The following MACROD2 variants were observed in gnomAD, a reference collection of about 807,000 sequenced individuals.
MACROD2 encodes the protein mono-ADP ribosylhydrolase 2, also known as ADP-ribose glycohydrolase MACROD2.
In MACROD2, 36 loss-of-function variants were observed where a neutral mutation model predicts 70.4. That is an observed-to-expected ratio of 0.51 (90% CI 0.39 to 0.68). The LOEUF (loss-of-function observed/expected upper bound fraction) is 0.68. Ranked by LOEUF, MACROD2 falls within the 30% of genes least tolerant of loss-of-function variation. The probability of loss-of-function intolerance (pLI) is 0.00; values close to 1 mark genes in which losing one functional copy is unlikely to be tolerated. For synonymous variants in MACROD2, 172 were observed against 178.8 expected (o/e 0.96, Z 0.30); for missense variants, 496 against 538.4 (o/e 0.92, Z 0.78).
At chr20:15,756,380 A>C (rs1251658414) in intron 8 of MACROD2, among the ~76,000 whole-genome samples, 1 of 151,788 alleles carries the variant, frequency 6.6e-6, no homozygotes, top group Non-Finnish European at 1.5e-5. Context: ...TTAAAACTGC[A>C]CTAAGTGGAG....
rs754866739 is a variant in MACROD2 at position 14,326,180 on chromosome 20, G to C, written c.272-167299G>C. ...GATCCAAATGCCGGGCTATGGCCCAGTTTAAGCCAGCTGAGTCTCAAAGCA... is the reference window on the plus strand; with the variant it reads ...GATCCAAATGCCGGGCTATGGCCCACTTTAAGCCAGCTGAGTCTCAAAGCA... On this transcript the variant is annotated intron_variant, in intron 3 of 17. Transcript: ENST00000684519. The surrounding 1 kb of genome is among the most constrained non-coding windows in gnomAD (Gnocchi z 5.5). The C allele has an allele frequency of 1.9e-6, 3 of 1,613,812 alleles. No individual in the cohort carries two copies. Among genetic ancestry groups the C allele is most frequent in the African/African-American group, 2.7e-5 (2 of 74,908 alleles).
At position 15,298,673 on chromosome 20, in the gene MACROD2, G is replaced by T. The variant is rs1440231729; in HGVS notation, c.540+68612G>T. Among the ~76,000 whole-genome samples, 3 of 152,118 alleles carry T rather than the reference G, an allele frequency of 2.0e-5. No individual in the cohort carries two copies. The East Asian group carries it at 5.8e-4, about 29-fold the overall frequency. The stretch of plus-strand genomic sequence containing the variant: ...TTTTTAAAAATTTGCATTTTAGGTG[G>T]GGGTCACACCAATGGTTGTTGGTTA... On this transcript the variant is annotated intron_variant, in intron 6 of 17. Transcript: ENST00000684519.
intron 5 of MACROD2, among the ~76,000 whole-genome samples, chr20:15,131,011 G>A (rs1448828924): frequency 6.6e-6 from 1 of 152,010 alleles, no homozygotes; most frequent in Non-Finnish European, 1.5e-5. Flanking sequence ...CCCTGCCAAA[G>A]CCCAAACACT....
At chr20:14,986,316 TAATGAA>T (rs2074848466) in intron 5 of MACROD2, among the ~76,000 whole-genome samples, 1 of 152,160 alleles carries the variant, frequency 6.6e-6, no homozygotes, top group Non-Finnish European at 1.5e-5. Flanking sequence ...CCATTAAAGT[TAATGAA>T]TAACCAAGTG....
intron 6 of MACROD2, among the ~76,000 whole-genome samples, chr20:15,377,322 A>T (rs1198859194): frequency 6.6e-6 from 1 of 152,200 alleles, no homozygotes; most frequent in African/African-American, 2.4e-5. Flanking sequence ...GAAAAAAAGG[A>T]AGACTGTGAT....
intron 8 of MACROD2, among the ~76,000 whole-genome samples, chr20:15,779,231 G>A (rs191335518): frequency 1.2e-4 from 19 of 152,140 alleles, no homozygotes; most frequent in South Asian, 6.2e-4. Context: ...CCTTGATATC[G>A]ATGTTCTAAG....
intron 7 of MACROD2, among the ~76,000 whole-genome samples, chr20:15,443,835 A>G (rs186964265): frequency 4.6e-5 from 7 of 152,314 alleles, no homozygotes; most frequent in East Asian, 1.9e-4. Context: ...TCTGGATTCA[A>G]TAATTACTGA....
intron 8 of MACROD2, among the ~76,000 whole-genome samples, chr20:15,613,034 G>T (rs1490117354): frequency 2.0e-5 from 3 of 152,198 alleles, no homozygotes; most frequent in African/African-American, 7.2e-5. Context: ...GTGGCAAAAA[G>T]GGAGAGAAAT....
At chr20:14,002,212 T>A in intron 1 of MACROD2, 76 bp from the exon 2 acceptor site, 1 of 911,766 alleles carries the variant, frequency 1.1e-6, no homozygotes, top group Non-Finnish European at 1.7e-6. Context: ...TTAACTTGGT[T>A]AATACTTAAA....
At chr20:15,266,941 G>A (rs770549445) in intron 6 of MACROD2, among the ~76,000 whole-genome samples, 1 of 152,236 alleles carries the variant, frequency 6.6e-6, no homozygotes, top group African/African-American at 2.4e-5. Context: ...GGGGGCATGA[G>A]AAGGCATTTA....
At chr20:14,895,554 A>G (rs1600784274) in intron 5 of MACROD2, 5 of 152,186 alleles carry the variant, frequency 3.3e-5, no homozygotes, top group Admixed American at 2.6e-4. Context: ...GGGTATCATA[A>G]TGCTAAATAA....
intron 3 of MACROD2, among the ~76,000 whole-genome samples, chr20:14,268,967 A>G (rs1215272864): frequency 6.6e-6 from 1 of 152,158 alleles, no homozygotes; most frequent in African/African-American, 2.4e-5. Flanking sequence ...TTATCCTACA[A>G]TTTGTGTGTT....
At chr20:15,638,217 C>G (rs2049400077) in intron 8 of MACROD2, among the ~76,000 whole-genome samples, 1 of 152,188 alleles carries the variant, frequency 6.6e-6, no homozygotes, top group Non-Finnish European at 1.5e-5. Flanking sequence ...GCATGGCAAC[C>G]TCGGGCTCTG....
intron 5 of MACROD2, among the ~76,000 whole-genome samples, chr20:14,693,721 T>C (rs1410060547): frequency 6.6e-6 from 1 of 152,186 alleles, no homozygotes; most frequent in African/African-American, 2.4e-5. Context: ...CTAAATGTCA[T>C]GGTAGAAGAT....
intron 3 of MACROD2, chr20:14,323,993 T>C (rs2082696087): frequency 6.6e-6 from 1 of 152,138 alleles, no homozygotes; most frequent in African/African-American, 2.4e-5. Context: ...AACCTCAAGA[T>C]GTTGATTTTT....
chr20:14,596,109 G>A (rs1003300844), intron 4 of MACROD2, among the ~76,000 whole-genome samples: 1 of 150,982 alleles, frequency 6.6e-6, no homozygotes, highest in African/African-American at 2.4e-5. Context: ...TTTTTTAGAC[G>A]GAGTCGCCCT....
chr20:14,730,233 G>C (rs749768876), intron 5 of MACROD2, among the ~76,000 whole-genome samples: 5 of 152,084 alleles, frequency 3.3e-5, no homozygotes, highest in Non-Finnish European at 7.4e-5. Flanking sequence ...AAATGGGTAA[G>C]AATTTTCCAG....
intron 4 of MACROD2, among the ~76,000 whole-genome samples, chr20:14,580,108 T>G (rs1980909849): frequency 6.6e-6 from 1 of 152,160 alleles, no homozygotes; most frequent in African/African-American, 2.4e-5. Flanking sequence ...AGAGGTCTTC[T>G]TCAAGAAAAA....
chr20:15,343,502 TC>T (rs1196992500), intron 6 of MACROD2, among the ~76,000 whole-genome samples: 1 of 152,182 alleles, frequency 6.6e-6, no homozygotes, highest in African/African-American at 2.4e-5. Context: ...ATCTTCTCTC[TC>T]CCTCTGCTGT....
Sources: allele counts gnomAD v4.1 joint callset (sites outside exome capture counted in the v4.1 genomes callset), GRCh38; gene constraint gnomAD v4.1.1; non-coding constraint Gnocchi (gnomAD v3.1); transcripts MANE v1.5; gene names NCBI Gene and HGNC (gene_info 2026-07-23, HGNC 2026-07-21).